The following LCLAT1 variants were observed in gnomAD, a reference collection of about 807,000 sequenced individuals.
The protein encoded by LCLAT1 is 1-AGP acyltransferase 8.
LCLAT1 carries 11 observed loss-of-function variants against 30.7 expected under a neutral mutation model. The observed-to-expected ratio is 0.36, with a 90% CI of 0.23 to 0.59. The LOEUF is 0.59. Ranked by LOEUF, LCLAT1 falls within the 20% of genes least tolerant of loss-of-function variation. The probability of loss-of-function intolerance (pLI) is 0.77; values close to 1 mark genes in which losing one functional copy is unlikely to be tolerated. For synonymous variants in LCLAT1, 155 were observed against 151.3 expected (o/e 1.02, Z -0.18); for missense variants, 402 against 458.6 (o/e 0.88, Z 1.13).
At chr2:30,638,213 A>AAT (rs1669126566) in intron 5 of LCLAT1, among the ~76,000 whole-genome samples, 1 of 152,238 alleles carries the variant, frequency 6.6e-6, no homozygotes, top group South Asian at 2.1e-4. Flanking sequence ...TTAAAAAGTG[A>AAT]ATACAACCTA....
At chr2:30,600,696 C>T (rs1331459308) in intron 5 of LCLAT1, among the ~76,000 whole-genome samples, 1 of 152,106 alleles carries the variant, frequency 6.6e-6, no homozygotes, top group Non-Finnish European at 1.5e-5. Flanking sequence ...GCCTCTCTTT[C>T]TGGCTGCCCT....
chr2:30,600,478 A>T (rs1206163624), intron 5 of LCLAT1, among the ~76,000 whole-genome samples: 1 of 152,156 alleles, frequency 6.6e-6, no homozygotes, highest in African/African-American at 2.4e-5. Context: ...GAGCAAACAA[A>T]CTCCAAAGCT....
intron 3 of LCLAT1, among the ~76,000 whole-genome samples, chr2:30,552,805 A>G (rs1664741003): frequency 6.6e-6 from 1 of 152,246 alleles, no homozygotes; most frequent in South Asian, 2.1e-4. Flanking sequence ...CATACTCAGT[A>G]AATACAGTAT....
At chr2:30,469,183 G>C (rs886788648) in intron 1 of LCLAT1, among the ~76,000 whole-genome samples, 2 of 152,028 alleles carry the variant, frequency 1.3e-5, no homozygotes, top group African/African-American at 2.4e-5. Context: ...CTTCCATTCT[G>C]TGGGTTGTCT....
At chr2:30,592,833 A>G (rs1265060035) in intron 5 of LCLAT1, among the ~76,000 whole-genome samples, 2 of 149,858 alleles carry the variant, frequency 1.3e-5, no homozygotes, top group African/African-American at 2.4e-5. Flanking sequence ...TGGGGGGCAT[A>G]TGTGATATTT....
chr2:30,497,550 A>G (rs1332098227), intron 1 of LCLAT1, among the ~76,000 whole-genome samples: 1 of 152,182 alleles, frequency 6.6e-6, no homozygotes, highest in Non-Finnish European at 1.5e-5. Flanking sequence ...TAATTTACTC[A>G]TTTGTAGCAG....
chr2:30,480,945 G>A (rs572453768), intron 1 of LCLAT1, among the ~76,000 whole-genome samples: 6 of 152,278 alleles, frequency 3.9e-5, no homozygotes, highest in East Asian at 1.9e-4. Context: ...AGCCATAAAC[G>A]AAGCACTCAG....
At chr2:30,450,753 C>G (rs1052591599) in intron 1 of LCLAT1, among the ~76,000 whole-genome samples, 6 of 152,166 alleles carry the variant, frequency 3.9e-5, no homozygotes, top group African/African-American at 1.4e-4. Context: ...AGGGGGAGAA[C>G]TGCTGAAACC....
chr2:30,617,628 T>C (rs1343653695), intron 5 of LCLAT1, among the ~76,000 whole-genome samples: 1 of 152,208 alleles, frequency 6.6e-6, no homozygotes, highest in Non-Finnish European at 1.5e-5. Context: ...GTTCCAGTTG[T>C]TCACCATCCT....
chr2:30,573,485 A>G (rs2148457123), intron 5 of LCLAT1, among the ~76,000 whole-genome samples: 1 of 152,266 alleles, frequency 6.6e-6, no homozygotes, highest in African/African-American at 2.4e-5. Context: ...AACATGATTT[A>G]CCCAGGCCTC....
chr2:30,569,779 A>T, intron 5 of LCLAT1, among the ~76,000 whole-genome samples: 1 of 152,218 alleles, frequency 6.6e-6, no homozygotes, highest in Non-Finnish European at 1.5e-5. Flanking sequence ...CAAAAATGTT[A>T]TTCATATTAC....
chr2:30,576,311 A>T (rs1182056238), intron 5 of LCLAT1, among the ~76,000 whole-genome samples: 2 of 152,154 alleles, frequency 1.3e-5, no homozygotes, highest in East Asian at 3.8e-4. Flanking sequence ...ATATTGTTAC[A>T]TACATTGAAA....
intron 3 of LCLAT1, among the ~76,000 whole-genome samples, chr2:30,557,985 A>G (rs929450241): frequency 3.3e-5 from 5 of 152,348 alleles, no homozygotes; most frequent in South Asian, 2.1e-4. Flanking sequence ...CACATAATCC[A>G]TAAAAATTCA....
intron 5 of LCLAT1, among the ~76,000 whole-genome samples, chr2:30,632,478 G>C (rs1351424095): frequency 6.6e-6 from 1 of 152,204 alleles, no homozygotes; most frequent in East Asian, 1.9e-4. Flanking sequence ...TATGCTATGG[G>C]AGAGGAGTGG....
chr2:30,569,852 T>G (rs916994475), intron 5 of LCLAT1, among the ~76,000 whole-genome samples: 3 of 152,204 alleles, frequency 2.0e-5, no homozygotes, highest in African/African-American at 7.2e-5. Flanking sequence ...GGACTTGATA[T>G]TCATGTTGTA....
At chr2:30,478,121 T>C (rs944391199) in intron 1 of LCLAT1, among the ~76,000 whole-genome samples, 5 of 151,076 alleles carry the variant, frequency 3.3e-5, no homozygotes, top group Admixed American at 6.6e-5. Context: ...CATTTGGAAC[T>C]GGGCCTCCCA....
intron 1 of LCLAT1, among the ~76,000 whole-genome samples, chr2:30,492,189 G>GA (rs996962424): frequency 3.0e-4 from 46 of 152,074 alleles, no homozygotes; most frequent in African/African-American, 1.1e-3. Context: ...AGACATACAT[G>GA]AAAAAAGTGA....
At chr2:30,568,244 C>G in intron 5 of LCLAT1, 68 bp downstream of exon 5, 1 of 680,324 alleles carries the variant, frequency 1.5e-6, no homozygotes, top group East Asian at 2.8e-5. Flanking sequence ...TATATATAGC[C>G]CTTTAGAGTT....
At chr2:30,465,489 C>T (rs1351571414) in intron 1 of LCLAT1, among the ~76,000 whole-genome samples, 8 of 152,096 alleles carry the variant, frequency 5.3e-5, no homozygotes, top group Non-Finnish European at 7.4e-5. Context: ...GTTACAGCAG[C>T]GATAGGAAAC....
Sources: gnomAD v4.1 joint callset for allele counts (sites outside exome capture counted in the v4.1 genomes callset) on GRCh38, gnomAD v4.1.1 for gene constraint, MANE v1.5 for transcripts, NCBI Gene and HGNC (gene_info 2026-07-23, HGNC 2026-07-21) for gene names.